Variants in RBFOX1 observed in about 807,000 individuals in gnomAD.
RBFOX1 encodes RNA binding fox-1 homolog 1, also known as RNA binding protein fox-1 homolog 1.
A neutral mutation model predicts 57.7 loss-of-function variants in RBFOX1; 8 were observed. That is an observed-to-expected ratio of 0.14 (90% CI 0.08 to 0.25). The LOEUF (loss-of-function observed/expected upper bound fraction) is 0.25, where lower values mean the gene tolerates loss of function less well. RBFOX1 is among the 10% of genes least tolerant of loss of function. The pLI, the probability that RBFOX1 is intolerant of heterozygous loss-of-function variation, is 1.00. For synonymous variants in RBFOX1, 326 were observed against 222.4 expected (o/e 1.47, Z -4.15); for missense variants, 611 against 548.5 (o/e 1.11, Z -1.14).
chr16:5,856,549 G>GTGTGTGTGTGTA lies in RBFOX1; in HGVS notation c.319-10743_319-10742insATGTGTGTGTGT, dbSNP rs1352578763. 1.3e-4 allele frequency among the ~76,000 whole-genome samples: 8 copies of GTGTGTGTGTGTA among 63,540 alleles called. 1 individual carries two copies. Among genetic ancestry groups the GTGTGTGTGTGTA allele is most frequent in the African/African-American group, 4.4e-4 (7 of 15,800 alleles). The allele number at this position is 63,540 out of a possible 152,430, so 41.7% of individuals were successfully genotyped here. On this transcript the variant is annotated intron_variant, in intron 3 of 19. Coordinates refer to the RBFOX1 transcript ENST00000641259. ...TTCATATATGTGTATGTGTGTGTGT[G>GTGTGTGTGTGTA]TGTGTGTGTGTGTATGTGTGTGTGT...
chr16:6,533,089 A>G (rs1298355092), intron 2 of RBFOX1, among the ~76,000 whole-genome samples: 1 of 152,220 alleles, frequency 6.6e-6, no homozygotes, highest in Non-Finnish European at 1.5e-5. Flanking sequence ...AGCCAGGAGC[A>G]TCCTAGGTTG....
chr16:6,910,986 A>C (rs1468313953), intron 3 of RBFOX1, among the ~76,000 whole-genome samples: 1 of 152,072 alleles, frequency 6.6e-6, no homozygotes, highest in Admixed American at 6.6e-5. Flanking sequence ...GGATCACTTG[A>C]GGTCAGGAGT....
At chr16:6,132,068 C>G (rs181223136) in intron 1 of RBFOX1, among the ~76,000 whole-genome samples, 110 of 152,298 alleles carry the variant, frequency 7.2e-4, no homozygotes, top group African/African-American at 2.5e-3. Flanking sequence ...GCTTAACACG[C>G]TTTAGTTCAC....
chr16:5,444,163 G>A (rs75264948), intron 1 of RBFOX1, among the ~76,000 whole-genome samples: 1,834 of 152,290 alleles, frequency 0.012, 50 homozygotes, highest in African/African-American at 0.042. Flanking sequence ...AACATGTTTT[G>A]TGTTCTATTA....
chr16:7,656,307 G>C (rs1219813373), intron 12 of RBFOX1, among the ~76,000 whole-genome samples: 1 of 152,180 alleles, frequency 6.6e-6, no homozygotes, highest in Non-Finnish European at 1.5e-5. Context: ...GGCACGGAAT[G>C]AAAAACTTTG....
chr16:5,832,955 T>C (rs907792332), intron 3 of RBFOX1, among the ~76,000 whole-genome samples: 2 of 152,216 alleles, frequency 1.3e-5, no homozygotes, highest in African/African-American at 4.8e-5. Flanking sequence ...TCACCAATGG[T>C]GATTTCATCC....
chr16:7,245,632 G>C (rs12103110), intron 4 of RBFOX1, among the ~76,000 whole-genome samples: 66,493 of 152,066 alleles, frequency 0.44, 14,952 homozygotes, highest in Middle Eastern at 0.53. Context: ...TAGAGAAAGA[G>C]CTATGCTGAT....
chr16:7,351,069 G>T (rs368163744), intron 4 of RBFOX1, among the ~76,000 whole-genome samples: 1 of 152,208 alleles, frequency 6.6e-6, no homozygotes, highest in South Asian at 2.1e-4. Context: ...TCTTCGGGAT[G>T]GCTGGTTTTC....
At chr16:7,516,271 A>G (rs1475823811) in intron 4 of RBFOX1, among the ~76,000 whole-genome samples, 1 of 152,102 alleles carries the variant, frequency 6.6e-6, no homozygotes, top group Non-Finnish European at 1.5e-5. Context: ...TGGTGTGACT[A>G]GGGCTTAACG....
chr16:6,515,339 A>G (rs1180257465), intron 2 of RBFOX1, among the ~76,000 whole-genome samples: 1 of 152,198 alleles, frequency 6.6e-6, no homozygotes, highest in Non-Finnish European at 1.5e-5. Flanking sequence ...TGCTTATGCC[A>G]GTCTTCTACT....
At chr16:7,386,401 C>T (rs1158288729) in intron 4 of RBFOX1, among the ~76,000 whole-genome samples, 5 of 151,518 alleles carry the variant, frequency 3.3e-5, no homozygotes, top group African/African-American at 1.2e-4. Context: ...CCCAACAGGC[C>T]CCAGTGTGTG....
intron 2 of RBFOX1, among the ~76,000 whole-genome samples, chr16:6,549,814 A>G (rs1042871796): frequency 6.6e-6 from 1 of 152,080 alleles, no homozygotes; most frequent in African/African-American, 2.4e-5. Context: ...TTCCAAAGTA[A>G]AAGATTTTAG....
chr16:7,413,621 C>G (rs773868222), intron 4 of RBFOX1, among the ~76,000 whole-genome samples: 4 of 152,040 alleles, frequency 2.6e-5, no homozygotes. Flanking sequence ...TTTGCTTGTC[C>G]TCTTGCTATT....
chr16:7,628,590 G>C (rs1028487226), intron 10 of RBFOX1, among the ~76,000 whole-genome samples: 15 of 152,082 alleles, frequency 9.9e-5, no homozygotes, highest in African/African-American at 3.4e-4. Context: ...TTAAACCATG[G>C]AAAGTATCAT....
intron 1 of RBFOX1, among the ~76,000 whole-genome samples, chr16:6,021,774 C>T (rs984691823): frequency 6.6e-6 from 1 of 152,202 alleles, no homozygotes; most frequent in Non-Finnish European, 1.5e-5. Flanking sequence ...AGTTGCTTTA[C>T]CTCTCTGAGC....
At chr16:6,694,507 C>G (rs777572508) in intron 3 of RBFOX1, among the ~76,000 whole-genome samples, 3 of 152,142 alleles carry the variant, frequency 2.0e-5, no homozygotes, top group Non-Finnish European at 4.4e-5. Flanking sequence ...AAGGAAATTC[C>G]TAAGTGTTTT....
intron 3 of RBFOX1, among the ~76,000 whole-genome samples, chr16:6,945,783 T>A (rs1426089968): frequency 6.6e-6 from 1 of 152,128 alleles, no homozygotes; most frequent in Non-Finnish European, 1.5e-5. Context: ...CCCAGCTACT[T>A]CGGAGGCCGA....
intron 1 of RBFOX1, among the ~76,000 whole-genome samples, chr16:6,243,487 C>A (rs1490840224): frequency 6.6e-6 from 1 of 152,112 alleles, no homozygotes; most frequent in Non-Finnish European, 1.5e-5. Context: ...CTGCAGCCTC[C>A]CTCCCTCCAC....
intron 2 of RBFOX1, among the ~76,000 whole-genome samples, chr16:6,435,235 G>C (rs1033011076): frequency 6.6e-6 from 1 of 152,082 alleles, no homozygotes; most frequent in Non-Finnish European, 1.5e-5. Context: ...GCAAACTGTT[G>C]TGTAACAGAT....
Sources: allele counts gnomAD v4.1 joint callset (sites outside exome capture counted in the v4.1 genomes callset), GRCh38; gene constraint gnomAD v4.1.1; transcripts MANE v1.5; gene names NCBI Gene and HGNC (gene_info 2026-07-23, HGNC 2026-07-21).